SMOC2: variants seen among roughly 807,000 people sequenced by gnomAD.
The protein encoded by SMOC2 is SPARC-related modular calcium-binding protein 2.
A neutral mutation model predicts 61.4 loss-of-function variants in SMOC2; 39 were observed. The ratio of observed to expected loss-of-function variants is 0.64; its 90% CI spans 0.49 to 0.83. The LOEUF is 0.83. SMOC2 is among the 40% of genes least tolerant of loss of function. The probability of loss-of-function intolerance (pLI) is 0.00; values close to 1 mark genes in which losing one functional copy is unlikely to be tolerated. For missense variants in SMOC2, 556 were observed against 592.9 expected, an observed-to-expected ratio of 0.94 and a Z score of 0.65; for synonymous variants, 247 against 239.9, an observed-to-expected ratio of 1.03 and a Z score of -0.27.
chr6:168,635,636 C>T (rs556693969), intron 9 of SMOC2, among the ~76,000 whole-genome samples: 3 of 152,094 alleles, frequency 2.0e-5, no homozygotes, highest in South Asian at 2.1e-4. Flanking sequence ...TTTGGGAGGC[C>T]GAGGTGGGTA....
At chr6:168,631,701 A>G (rs1786574765) in intron 9 of SMOC2, among the ~76,000 whole-genome samples, 1 of 146,580 alleles carries the variant, frequency 6.8e-6, no homozygotes, top group Non-Finnish European at 1.5e-5. Flanking sequence ...GAATGCAGAC[A>G]TTGGTTTGGT....
At chr6:168,546,251 G>GAA (rs143673157) in intron 5 of SMOC2, among the ~76,000 whole-genome samples, 4 of 66,456 alleles carry the variant, frequency 6.0e-5, no homozygotes, top group Non-Finnish European at 1.2e-4. Flanking sequence ...AAGCTTCAGT[G>GAA]AAAAAAAAAA....
At chr6:168,591,946 A>G (rs1455709768) in intron 7 of SMOC2, among the ~76,000 whole-genome samples, 1 of 152,078 alleles carries the variant, frequency 6.6e-6, no homozygotes. Context: ...ATTTTTCTCT[A>G]TCAATGGTCA....
intron 2 of SMOC2, among the ~76,000 whole-genome samples, chr6:168,519,037 G>A (rs890526811): frequency 2.0e-5 from 3 of 146,768 alleles, no homozygotes; most frequent in Admixed American, 1.3e-4. Context: ...GTGTGTGTAT[G>A]TGTGCATGTG....
At chr6:168,448,023 T>G (rs968265497) in intron 1 of SMOC2, among the ~76,000 whole-genome samples, 7 of 152,250 alleles carry the variant, frequency 4.6e-5, no homozygotes, top group Admixed American at 3.3e-4. Context: ...CTGAAGGCTT[T>G]CCCTGCCCAG....
chr6:168,641,283 TA>T (rs1415486550), intron 9 of SMOC2, among the ~76,000 whole-genome samples: 1 of 152,124 alleles, frequency 6.6e-6, no homozygotes, highest in East Asian at 1.9e-4. Context: ...CCTCAAATGC[TA>T]GATCCCTCCT....
intron 1 of SMOC2, among the ~76,000 whole-genome samples, chr6:168,457,540 A>G (rs560037583): frequency 9.9e-5 from 15 of 152,224 alleles, no homozygotes; most frequent in Non-Finnish European, 2.1e-4. Context: ...GCCTGCACCC[A>G]TCATATGTAT....
chr6:168,623,040 C>T (rs748810787), intron 9 of SMOC2, among the ~76,000 whole-genome samples: 10 of 152,182 alleles, frequency 6.6e-5, no homozygotes, highest in Admixed American at 2.6e-4. Flanking sequence ...TTCTGACTTC[C>T]GTAGCTTGTC....
intron 1 of SMOC2, among the ~76,000 whole-genome samples, chr6:168,477,281 A>G (rs569129682): frequency 1.3e-5 from 2 of 152,354 alleles, no homozygotes; most frequent in South Asian, 4.1e-4. Context: ...ATTTGAGATC[A>G]GCAACCGCAA....
chr6:168,534,287 T>A (rs888470308), intron 4 of SMOC2, among the ~76,000 whole-genome samples: 1 of 152,176 alleles, frequency 6.6e-6, no homozygotes, highest in African/African-American at 2.4e-5. Context: ...AATAAAAGAT[T>A]CAGATTGAAT....
At chr6:168,587,330 A>G (rs146019755) in intron 7 of SMOC2, among the ~76,000 whole-genome samples, 91 of 152,326 alleles carry the variant, frequency 6.0e-4, no homozygotes, top group African/African-American at 2.1e-3. Context: ...GTCTCAGTCA[A>G]TTTGGAAAGT....
chr6:168,441,941 C>T (rs2114985022), intron 1 of SMOC2, among the ~76,000 whole-genome samples: 1 of 152,342 alleles, frequency 6.6e-6, no homozygotes, highest in Non-Finnish European at 1.5e-5. Flanking sequence ...ACCTCGCCCA[C>T]GGGGACCCGG....
At chr6:168,493,748 T>C (rs1782522863) in intron 1 of SMOC2, among the ~76,000 whole-genome samples, 1 of 152,222 alleles carries the variant, frequency 6.6e-6, no homozygotes, top group African/African-American at 2.4e-5. Flanking sequence ...TGATTTTATT[T>C]TTCAAAAAAG....
chr6:168,493,300 G>A (rs1029695074), intron 1 of SMOC2, among the ~76,000 whole-genome samples: 3 of 152,160 alleles, frequency 2.0e-5, no homozygotes, highest in Admixed American at 1.3e-4. Flanking sequence ...GCCTCCCAAA[G>A]TGCTGGGATT....
chr6:168,621,020 G>T (rs1192088204), intron 9 of SMOC2, among the ~76,000 whole-genome samples: 1 of 149,784 alleles, frequency 6.7e-6, no homozygotes, highest in Non-Finnish European at 1.5e-5. Context: ...ATAACCACAG[G>T]CTATGGAAAC....
intron 8 of SMOC2, among the ~76,000 whole-genome samples, chr6:168,603,645 T>C (rs1252704249): frequency 6.6e-6 from 1 of 151,594 alleles, no homozygotes; most frequent in Non-Finnish European, 1.5e-5. Flanking sequence ...GATGCAGATA[T>C]AAGCCAAACA....
chr6:168,567,799 C>T (rs1331277877), intron 7 of SMOC2, among the ~76,000 whole-genome samples: 3 of 151,994 alleles, frequency 2.0e-5, no homozygotes, highest in African/African-American at 4.8e-5. Flanking sequence ...GAATTTAGTG[C>T]GTCTTCTCTT....
At chr6:168,540,391 C>T (rs1236945550) in intron 4 of SMOC2, among the ~76,000 whole-genome samples, 1 of 152,204 alleles carries the variant, frequency 6.6e-6, no homozygotes, top group African/African-American at 2.4e-5. Context: ...AGGCAGCTTC[C>T]GATGGCGCAC....
intron 4 of SMOC2, among the ~76,000 whole-genome samples, chr6:168,537,733 C>G (rs1287426168): frequency 6.6e-6 from 1 of 152,186 alleles, no homozygotes; most frequent in Non-Finnish European, 1.5e-5. Flanking sequence ...GGACACCCTC[C>G]CTGCCACGGC....
Sources: allele counts gnomAD v4.1 joint callset (sites outside exome capture counted in the v4.1 genomes callset), GRCh38; gene constraint gnomAD v4.1.1; transcripts MANE v1.5; gene names NCBI Gene and HGNC (gene_info 2026-07-23, HGNC 2026-07-21).